WDR17: variants seen among roughly 807,000 people sequenced by gnomAD.
WDR17 encodes the protein WD repeat-containing protein 17.
WDR17 carries 143 observed loss-of-function variants against 161.7 expected under a neutral mutation model. The observed-to-expected ratio is 0.88, with a 90% CI of 0.77 to 1.02. The LOEUF is 1.02. Among genes scored for constraint, WDR17 ranks in the 50% least tolerant of loss-of-function variants. The pLI is 0.00. For synonymous variants in WDR17, 517 were observed against 515.6 expected (o/e 1.00, Z -0.04); for missense variants, 1,469 against 1,520.9 (o/e 0.97, Z 0.57).
At chr4:176,104,847 T>A (rs949549023) in intron 1 of WDR17, among the ~76,000 whole-genome samples, 1 of 151,960 alleles carries the variant, frequency 6.6e-6, no homozygotes, top group Non-Finnish European at 1.5e-5. Flanking sequence ...TGAAGCATAT[T>A]GGAAATGAAT....
Position 176,135,278 on chromosome 4 carries a change from TA to T in WDR17, c.1267+4del. 1.2e-6 allele frequency: 2 copies of T among 1,611,702 alleles called. No individual in the cohort carries two copies. Among genetic ancestry groups the T allele is most frequent in the East Asian group, 2.2e-5 (1 of 44,772 alleles). ...TTTATTCCCTTTCTTGGGCTCCAGG[TA>T]AGAGATATTTTATTGAAATTAGGAA... On this transcript the variant is annotated splice_donor_region_variant and intron_variant, in intron 8 of 28. Coordinates refer to ENST00000508596, the MANE Select transcript of WDR17 (RefSeq NM_181265.4).
intron 1 of WDR17, among the ~76,000 whole-genome samples, chr4:176,095,178 C>G (rs1044397665): frequency 1.3e-5 from 2 of 152,012 alleles, no homozygotes; most frequent in Non-Finnish European, 2.9e-5. Flanking sequence ...AAGCCAGAGA[C>G]AACAATGAAG....
intron 16 of WDR17, among the ~76,000 whole-genome samples, chr4:176,151,045 G>A (rs914271284): frequency 3.3e-5 from 5 of 152,114 alleles, no homozygotes; most frequent in African/African-American, 1.2e-4. Flanking sequence ...TCTGGCACCA[G>A]AAAGAAAAAA....
At chr4:176,143,119 T>A (rs1187237653) in intron 11 of WDR17, among the ~76,000 whole-genome samples, 1 of 152,172 alleles carries the variant, frequency 6.6e-6, no homozygotes, top group East Asian at 1.9e-4. Context: ...CCTCAGGTGA[T>A]CCACTCGCCT....
At chr4:176,161,551 A>G (rs948111002) in intron 20 of WDR17, among the ~76,000 whole-genome samples, 1 of 152,036 alleles carries the variant, frequency 6.6e-6, no homozygotes, top group Admixed American at 6.6e-5. Context: ...ATTTGCTCCT[A>G]TTATTAAGCT....
chr4:176,171,367 A>C (rs1483763677), intron 23 of WDR17, among the ~76,000 whole-genome samples: 1 of 152,148 alleles, frequency 6.6e-6, no homozygotes, highest in Non-Finnish European at 1.5e-5. Flanking sequence ...CTATGTCTCT[A>C]TCTAGCCAAG....
chr4:176,086,645 T>C (rs1735458735), intron 1 of WDR17, among the ~76,000 whole-genome samples: 1 of 151,930 alleles, frequency 6.6e-6, no homozygotes, highest in South Asian at 2.1e-4. Flanking sequence ...TAGTTTATCA[T>C]TTTCTGATCT....
chr4:176,169,481 T>C (rs1750384025), intron 23 of WDR17, among the ~76,000 whole-genome samples: 1 of 150,472 alleles, frequency 6.6e-6, no homozygotes, highest in Non-Finnish European at 1.5e-5. Context: ...GCATATGCCA[T>C]ATGATTTTGG....
chr4:176,093,959 C>A (rs1206138702), intron 1 of WDR17, among the ~76,000 whole-genome samples: 1 of 152,094 alleles, frequency 6.6e-6, no homozygotes, highest in Non-Finnish European at 1.5e-5. Context: ...GGATAAGTAT[C>A]AGGACATAAG....
intron 9 of WDR17, among the ~76,000 whole-genome samples, chr4:176,138,785 A>G (rs1354359667): frequency 6.6e-6 from 1 of 151,878 alleles, no homozygotes; most frequent in Non-Finnish European, 1.5e-5. Flanking sequence ...CCAGCATTTT[A>G]GTATCAAGGA....
chr4:176,160,429 C>T (rs769806078), intron 19 of WDR17, among the ~76,000 whole-genome samples: 38 of 152,308 alleles, frequency 2.5e-4, no homozygotes, highest in Non-Finnish European at 4.9e-4. Flanking sequence ...TTAAGTGATT[C>T]TCCTGCCTCA....
intron 1 of WDR17, among the ~76,000 whole-genome samples, chr4:176,086,673 T>C (rs916294327): frequency 6.6e-6 from 1 of 151,920 alleles, no homozygotes; most frequent in Non-Finnish European, 1.5e-5. Context: ...TCAACTATTC[T>C]GTAACCTTTT....
In WDR17 at chr4:176,115,901, A is replaced by G. The variant is rs965646853; in HGVS notation, c.229A>G (p.Ser77Gly). 1 of 1,611,780 alleles carries G rather than the reference A, an allele frequency of 6.2e-7. No homozygotes were observed. ...TCCACATAATCCTGATCTGTTTGCA[A>G]GTGGCAGTACTGATAATTTAGTGAT... ...WCPHNPDLFA[S>G]GSTDNLVIIW... Residue 77 changes from serine (S) to glycine (G), a missense_variant, in exon 3 of 29, where the codon AGT (serine) becomes GGT (glycine). By Grantham distance (56) the Ser-to-Gly change is moderately conservative. Coordinates refer to ENST00000508596, the MANE Select transcript of WDR17 (RefSeq NM_181265.4).
intron 6 of WDR17, among the ~76,000 whole-genome samples, chr4:176,129,303 A>G (rs928828691): frequency 2.0e-5 from 3 of 152,120 alleles, no homozygotes; most frequent in African/African-American, 7.2e-5. Flanking sequence ...TACATATTAC[A>G]TATTTGAATA....
intron 13 of WDR17, among the ~76,000 whole-genome samples, chr4:176,149,006 C>A (rs1746657636): frequency 6.6e-6 from 1 of 152,104 alleles, no homozygotes; most frequent in Non-Finnish European, 1.5e-5. Flanking sequence ...ATCACAATGG[C>A]CTTTTAGCCA....
chr4:176,158,281 T>C (rs1291507185), intron 18 of WDR17, among the ~76,000 whole-genome samples: 1 of 152,190 alleles, frequency 6.6e-6, no homozygotes, highest in Non-Finnish European at 1.5e-5. Flanking sequence ...AGCAGTAGCG[T>C]GGACGCCATA....
intron 26 of WDR17, among the ~76,000 whole-genome samples, chr4:176,175,004 A>T (rs539420321): frequency 8.5e-5 from 13 of 152,282 alleles, no homozygotes; most frequent in African/African-American, 2.9e-4. Context: ...TGATTTCTTC[A>T]AGGACCTGAT....
intron 5 of WDR17, 136 bp downstream of exon 5, chr4:176,125,491 C>A: frequency 1.9e-6 from 2 of 1,076,860 alleles, no homozygotes; most frequent in African/African-American, 1.6e-5. Context: ...TAGTAAATTA[C>A]TAGTGTACTT....
At chr4:176,130,207 G>T (rs1371926800) in intron 6 of WDR17, among the ~76,000 whole-genome samples, 1 of 152,096 alleles carries the variant, frequency 6.6e-6, no homozygotes, top group Non-Finnish European at 1.5e-5. Flanking sequence ...AAATAGATTG[G>T]TGCATAAAAG....
Sources: gnomAD v4.1 joint callset for allele counts (sites outside exome capture counted in the v4.1 genomes callset) on GRCh38, gnomAD v4.1.1 for gene constraint, MANE v1.5 for transcripts, NCBI Gene and HGNC (gene_info 2026-07-23, HGNC 2026-07-21) for gene names.